Variants in SIGLEC15 observed in about 807,000 individuals in gnomAD.
SIGLEC15 encodes the protein sialic acid binding Ig like lectin 15.
Under a neutral mutation model 26.2 loss-of-function variants are expected in SIGLEC15, and 31 were observed. The observed-to-expected ratio is 1.18, with a 90% confidence interval of 0.89 to 1.60. The LOEUF (loss-of-function observed/expected upper bound fraction) is 1.60, where lower values mean the gene tolerates loss of function less well. Among genes scored for constraint, SIGLEC15 ranks in the 40% most tolerant of loss-of-function variants. The pLI is 0.00. For missense variants in SIGLEC15, 501 were observed against 488.4 expected (o/e 1.03, Z -0.24); for synonymous variants, 207 against 221.9 (o/e 0.93, Z 0.60).
chr18:45,829,999 C>A (rs187807680), intron 1 of SIGLEC15, among the ~76,000 whole-genome samples: 100 of 152,290 alleles, frequency 6.6e-4, no homozygotes, highest in Non-Finnish European at 1.2e-3. Flanking sequence ...CTGTGACACC[C>A]TGGAGAGGGT....
rs759430911 is a variant in SIGLEC15, at chr18:45,843,176, C to G, written c.*989C>G. 1 of 152,296 alleles carries G rather than the reference C, an allele frequency of 6.6e-6. No individual in the cohort carries two copies. Among genetic ancestry groups the G allele is most frequent in the Non-Finnish European group, 1.5e-5 (1 of 68,068 alleles). 9.4% of individuals were successfully genotyped at this position (152,296 alleles called of 1,614,324 possible). ...GGAGAGTCCGTGCGTAAAGCAGCTA[C>G]AGCTCTGACCTCTCTGACCTGCAGC... On this transcript the variant is annotated 3_prime_UTR_variant, in exon 6 of 6. Transcript: ENST00000389474.
chr18:45,841,679 G>A (rs1202267491), intron 5 of SIGLEC15, among the ~76,000 whole-genome samples: 1 of 152,176 alleles, frequency 6.6e-6, no homozygotes, highest in African/African-American at 2.4e-5. Flanking sequence ...CCTGAGCCCT[G>A]GGTCCCACTT....
At chr18:45,833,397 A>G (rs572090173) in intron 1 of SIGLEC15, among the ~76,000 whole-genome samples, 81 of 152,088 alleles carry the variant, frequency 5.3e-4, no homozygotes, top group Non-Finnish European at 5.9e-4. Flanking sequence ...GCTCACTGCA[A>G]CCTCTGCCTC....
At position 45,838,843 on chromosome 18, in the gene SIGLEC15, T is replaced by C; in HGVS notation, c.622T>C (p.Leu208=). Residue 208 remains leucine, a synonymous_variant, in exon 4 of 6, where the codon TTG becomes CTG. Transcript: ENST00000389474. ...GTCCGGCCCGGCCCTGGGCAACAGC[T>C]TGGCAGCCGTGCGGAGCCCGCGTGA... ...AWSGPALGNS[L]AAVRSPREGH... is the part of the protein sequence containing the mutation. 6.4e-7 allele frequency: 1 copy of C among 1,571,328 alleles called. No individual in the cohort carries two copies. Among genetic ancestry groups the C allele is most frequent in the Non-Finnish European group, 8.6e-7 (1 of 1,164,286 alleles).
chr18:45,833,687 C>A (rs1040912540), intron 1 of SIGLEC15, among the ~76,000 whole-genome samples: 24 of 152,294 alleles, frequency 1.6e-4, no homozygotes, highest in African/African-American at 5.1e-4. Context: ...GCAAACCAAG[C>A]AAATTCTCAA....
chr18:45,842,387 G>A lies in SIGLEC15; in HGVS notation c.*200G>A, dbSNP rs1208115650. On this transcript the variant is annotated 3_prime_UTR_variant, in exon 6 of 6. Transcript: ENST00000389474. ...GTGGACAACCATTTCGGAGCTCCCT[G>A]ATATTTTTGCCAGCATTTCGTAAAT... The A allele has an allele frequency of 3.4e-6, 2 of 592,774 alleles. No homozygotes were observed. The highest frequency in any genetic ancestry group is 3.7e-5 in the African/African-American group (2 of 53,500). The allele number at this position is 592,774 out of a possible 1,614,324, so 36.7% of individuals were successfully genotyped here. A position where few individuals can be genotyped will look rare whatever the true frequency, so the allele number is the denominator to read the frequency against.
At position 45,843,297 on chromosome 18, in the gene SIGLEC15, C is replaced by T. The variant is rs2048340725; in HGVS notation, c.*1110C>T. ...TTGGAGGGGTGCTTCCCTATTTACACCTCAGGGTGAATTTGTTGATCACCT... is the reference window on the plus strand; with the variant it reads ...TTGGAGGGGTGCTTCCCTATTTACATCTCAGGGTGAATTTGTTGATCACCT... On this transcript the variant is annotated 3_prime_UTR_variant, in exon 6 of 6. Coordinates refer to ENST00000389474, the MANE Select transcript of SIGLEC15 (RefSeq NM_213602.3). 1 of 152,222 alleles carries T rather than the reference C, an allele frequency of 6.6e-6. No homozygotes were observed. The highest frequency in any genetic ancestry group is 1.5e-5 in the Non-Finnish European group (1 of 68,074). 9.4% of individuals were successfully genotyped at this position (152,222 alleles called of 1,614,324 possible).
chr18:45,842,448 A>T lies in SIGLEC15; in HGVS notation c.*261A>T. ...CTGTGTGTGTGTGTGTGTGTGAGAG[A>T]GAGAGAGAGAGAGTACACGCATTAG... On this transcript the variant is annotated 3_prime_UTR_variant, in exon 6 of 6. Coordinates refer to ENST00000389474, the MANE Select transcript of SIGLEC15 (RefSeq NM_213602.3). 11 of 470,502 alleles carry T rather than the reference A, an allele frequency of 2.3e-5. No individual in the cohort carries two copies. Among genetic ancestry groups the T allele is most frequent in the South Asian group, 3.0e-5 (1 of 33,674 alleles). The allele number at this position is 470,502 out of a possible 1,614,324, so 29.1% of individuals were successfully genotyped here.
intron 1 of SIGLEC15, among the ~76,000 whole-genome samples, chr18:45,835,556 C>A (rs1017112058): frequency 6.6e-6 from 1 of 152,300 alleles, no homozygotes; most frequent in Admixed American, 6.5e-5. Context: ...GTGCTGATCT[C>A]ATTTCGTAGA....
chr18:45,839,869 T>C (rs1363426367), intron 4 of SIGLEC15, among the ~76,000 whole-genome samples: 1 of 152,130 alleles, frequency 6.6e-6, no homozygotes, highest in African/African-American at 2.4e-5. Context: ...TCCATAGCAC[T>C]AGGCTCACAC....
chr18:45,839,231 C>T (rs1256370346), intron 4 of SIGLEC15, 136 bp downstream of exon 4: 1 of 1,214,678 alleles, frequency 8.2e-7, no homozygotes, highest in Non-Finnish European at 1.1e-6. Context: ...GCGCTTTCCT[C>T]TCTTTGCATG....
At chr18:45,840,139 G>A in intron 4 of SIGLEC15, 72 bp from the exon 5 acceptor site, 1 of 1,558,784 alleles carries the variant, frequency 6.4e-7, no homozygotes, top group Non-Finnish European at 8.8e-7. Context: ...ACATGGCATG[G>A]GTGGGGGTGG....
chr18:45,832,253 C>T (rs1208565198), intron 1 of SIGLEC15, among the ~76,000 whole-genome samples: 2 of 152,088 alleles, frequency 1.3e-5, no homozygotes, highest in Admixed American at 6.6e-5. Context: ...CCCTGAGACC[C>T]GGGATATTAT....
At chr18:45,837,955 C>T in intron 3 of SIGLEC15, 59 bp downstream of exon 3, 1 of 1,421,412 alleles carries the variant, frequency 7.0e-7, no homozygotes, top group Non-Finnish European at 9.1e-7. Flanking sequence ...CCTGCCCCGC[C>T]CCAAGGGCTA....
Position 45,839,030 on chromosome 18 carries a change from C to A in SIGLEC15, c.809C>A (p.Ala270Asp), listed in dbSNP as rs757230565. 1.4e-4 allele frequency: 221 copies of A among 1,572,668 alleles called. No individual in the cohort carries two copies. Among genetic ancestry groups the A allele is most frequent in the Non-Finnish European group, 1.9e-4 (217 of 1,167,814 alleles). The change falls in exon 4 of 6, where the codon GCT becomes GAT. Residue 270 changes from alanine (A) to aspartate (D), a missense_variant. By Grantham distance (126) the Ala-to-Asp change is moderately radical. Coordinates refer to ENST00000389474, the MANE Select transcript of SIGLEC15 (RefSeq NM_213602.3). ...TCGACGGTCGCCCTCCTGCTCGGCG[C>A]TCTCGGCTTCAAGGCGCTGCTGCTG... ...GASTVALLLG[A>D]LGFKALLLLG...
chr18:45,840,151 C>A, intron 4 of SIGLEC15, 60 bp from the exon 5 acceptor site: 1 of 1,591,112 alleles, frequency 6.3e-7, no homozygotes, highest in Non-Finnish European at 8.6e-7. Context: ...TGGGGGTGGG[C>A]GCACAGGCTG....
intron 1 of SIGLEC15, among the ~76,000 whole-genome samples, chr18:45,836,686 C>T (rs972241559): frequency 1.3e-5 from 2 of 152,248 alleles, no homozygotes; most frequent in South Asian, 2.1e-4. Flanking sequence ...CCTCTCTGGT[C>T]TCTCAGCTCC....
chr18:45,837,005 G>A (rs1264391811), intron 1 of SIGLEC15, 24 bp from the exon 2 acceptor site: 3 of 1,169,498 alleles, frequency 2.6e-6, no homozygotes, highest in Non-Finnish European at 3.9e-6. Flanking sequence ...CGTGTAACCC[G>A]GGGTTAACTG....
At chr18:45,828,210 C>T (rs973059122) in intron 1 of SIGLEC15, among the ~76,000 whole-genome samples, 14 of 152,328 alleles carry the variant, frequency 9.2e-5, no homozygotes, top group African/African-American at 3.1e-4. Context: ...GCAGGCCCGC[C>T]AGTCGTGGTC....
Sources: allele counts gnomAD v4.1 joint callset (sites outside exome capture counted in the v4.1 genomes callset), GRCh38; gene constraint gnomAD v4.1.1; transcripts MANE v1.5; gene names NCBI Gene and HGNC (gene_info 2026-07-23, HGNC 2026-07-21).